The following MAP2K1 variants were observed in gnomAD, a reference collection of about 807,000 sequenced individuals.
MAP2K1 encodes mitogen-activated protein kinase kinase 1.
In MAP2K1, 16 loss-of-function variants were observed where a neutral mutation model predicts 46.3. The observed-to-expected ratio is 0.35, with a 90% CI of 0.23 to 0.52. MAP2K1 has a LOEUF of 0.52. MAP2K1 is among the 20% of genes least tolerant of loss of function. MAP2K1 has a pLI of 0.94. For missense variants in MAP2K1, 263 were observed against 497.1 expected (o/e 0.53, Z 4.48); for synonymous variants, 183 against 185.6 (o/e 0.99, Z 0.11).
intron 1 of MAP2K1, among the ~76,000 whole-genome samples, chr15:66,424,984 C>G (rs1164983964): frequency 1.3e-5 from 2 of 151,668 alleles, no homozygotes; most frequent in Non-Finnish European, 2.9e-5. Context: ...TTAGTAGAGA[C>G]AGGGTTTCTC....
At chr15:66,483,616 T>G (rs1892965237) in intron 6 of MAP2K1, among the ~76,000 whole-genome samples, 1 of 152,244 alleles carries the variant, frequency 6.6e-6, no homozygotes, top group Admixed American at 6.5e-5. Context: ...TTGAAATACA[T>G]GTGCTATTTC....
intron 5 of MAP2K1, among the ~76,000 whole-genome samples, chr15:66,466,015 C>T (rs1342644955): frequency 6.6e-6 from 1 of 152,112 alleles, no homozygotes; most frequent in Non-Finnish European, 1.5e-5. Flanking sequence ...CTCTTGATGT[C>T]CCAAGATAAC....
At chr15:66,438,668 G>A (rs1319291021) in intron 3 of MAP2K1, among the ~76,000 whole-genome samples, 1 of 152,162 alleles carries the variant, frequency 6.6e-6, no homozygotes, top group East Asian at 1.9e-4. Flanking sequence ...TTCCCCCCAT[G>A]GATTTGGCTC....
intron 1 of MAP2K1, among the ~76,000 whole-genome samples, chr15:66,416,910 G>A (rs767558172): frequency 1.3e-5 from 2 of 151,994 alleles, no homozygotes; most frequent in African/African-American, 2.4e-5. Flanking sequence ...TGCTCTTAAC[G>A]AGTCCCCAAA....
At chr15:66,405,014 A>G (rs184492364) in intron 1 of MAP2K1, among the ~76,000 whole-genome samples, 6 of 152,374 alleles carry the variant, frequency 3.9e-5, no homozygotes, top group South Asian at 2.1e-4. Context: ...CCTAGAGGAC[A>G]TCGCAACTGG....
intron 5 of MAP2K1, among the ~76,000 whole-genome samples, chr15:66,468,486 C>T (rs1257795051): frequency 6.6e-6 from 1 of 152,086 alleles, no homozygotes; most frequent in Non-Finnish European, 1.5e-5. Flanking sequence ...ATCAAACATA[C>T]AATTATAGAA....
chr15:66,402,691 C>T (rs545549824), intron 1 of MAP2K1, among the ~76,000 whole-genome samples: 1 of 151,924 alleles, frequency 6.6e-6, no homozygotes, highest in East Asian at 1.9e-4. Flanking sequence ...TTTTCCATCT[C>T]GACTATGGTT....
chr15:66,490,107 T>C (rs1224248054), intron 10 of MAP2K1: 5 of 524,500 alleles, frequency 9.5e-6, no homozygotes, highest in Non-Finnish European at 1.7e-5. Flanking sequence ...ACTCTCCGCC[T>C]GCTGTCTCGT....
chr15:66,441,300 C>A (rs529899428), intron 3 of MAP2K1, among the ~76,000 whole-genome samples: 1 of 152,130 alleles, frequency 6.6e-6, no homozygotes, highest in East Asian at 1.9e-4. Flanking sequence ...ATTTCTCTTA[C>A]CAACCCCCAG....
chr15:66,478,402 A>ATATATATATACACACAGG (rs1555420080), intron 5 of MAP2K1, among the ~76,000 whole-genome samples: 6,299 of 122,476 alleles, frequency 0.051, 167 homozygotes, highest in Non-Finnish European at 0.068. Context: ...ATGTGTGTGT[A>ATATATATATACACACAGG]TATATATATA....
chr15:66,439,895 A>G (rs541734430), intron 3 of MAP2K1, among the ~76,000 whole-genome samples: 164 of 147,504 alleles, frequency 1.1e-3, no homozygotes, highest in Non-Finnish European at 1.4e-3. Context: ...AGACCACGCC[A>G]TTGCACTCCT....
rs566267551 is a variant in MAP2K1 at position 66,478,486 on chromosome 15, A to G, written c.569-3269A>G. On this transcript the variant is annotated intron_variant, in intron 5 of 10. Transcript: ENST00000307102. The stretch of plus-strand genomic sequence containing the variant: ...TATATATATATATACAGGTGTATAT[A>G]TAGAGGTATATATATATATATTTTT... Among the ~76,000 whole-genome samples, 18 of 146,174 alleles carry G rather than the reference A, an allele frequency of 1.2e-4. No homozygotes were observed. The South Asian group carries it at 3.6e-3, about 29-fold the overall frequency.
chr15:66,490,345 C>T, intron 10 of MAP2K1, 157 bp from the exon 11 acceptor site: 1 of 728,300 alleles, frequency 1.4e-6, no homozygotes, highest in Non-Finnish European at 2.5e-6. Context: ...GTCTTTGGGC[C>T]TGCAGCTGGC....
At chr15:66,455,822 TAGCTCAACTG>T (rs1892152235) in intron 5 of MAP2K1, among the ~76,000 whole-genome samples, 1 of 152,254 alleles carries the variant, frequency 6.6e-6, no homozygotes, top group Admixed American at 6.5e-5. Context: ...AAGCTCTGGC[TAGCTCAACTG>T]GTCCACTGTG....
chr15:66,431,230 G>T (rs924668801), intron 1 of MAP2K1, among the ~76,000 whole-genome samples: 2 of 152,174 alleles, frequency 1.3e-5, no homozygotes, highest in African/African-American at 4.8e-5. Flanking sequence ...TTAGAGATTG[G>T]TGATATAGTC....
chr15:66,431,948 T>C (rs2093476021), intron 1 of MAP2K1, among the ~76,000 whole-genome samples: 1 of 152,200 alleles, frequency 6.6e-6, no homozygotes, highest in Non-Finnish European at 1.5e-5. Flanking sequence ...ATGCGGTATT[T>C]GGTTTTGTAT....
intron 1 of MAP2K1, among the ~76,000 whole-genome samples, chr15:66,402,867 C>T (rs763119556): frequency 1.3e-5 from 2 of 152,170 alleles, no homozygotes; most frequent in Non-Finnish European, 2.9e-5. Context: ...TCTCATCTTG[C>T]GTTGCTCTCA....
intron 1 of MAP2K1, among the ~76,000 whole-genome samples, chr15:66,389,276 A>G (rs373956299): frequency 4.6e-5 from 7 of 152,308 alleles, no homozygotes; most frequent in Admixed American, 2.0e-4. Context: ...TGTTGTTAGG[A>G]CAAGTTTTGA....
chr15:66,402,540 G>A (rs1215241527), intron 1 of MAP2K1, among the ~76,000 whole-genome samples: 1 of 151,974 alleles, frequency 6.6e-6, no homozygotes, highest in African/African-American at 2.4e-5. Context: ...ATTTTCGTGG[G>A]GTATCTTTCC....
Sources: allele counts gnomAD v4.1 joint callset (sites outside exome capture counted in the v4.1 genomes callset), GRCh38; gene constraint gnomAD v4.1.1; transcripts MANE v1.5; gene names NCBI Gene and HGNC (gene_info 2026-07-23, HGNC 2026-07-21).